Variants in CACNA1C observed in about 807,000 individuals in gnomAD.
CACNA1C encodes calcium voltage-gated channel subunit alpha1 C.
A neutral mutation model predicts 229.0 loss-of-function variants in CACNA1C; 30 were observed. The ratio of observed to expected loss-of-function variants is 0.13; its 90% CI spans 0.10 to 0.18. The LOEUF is 0.18. Ranked by LOEUF, CACNA1C falls within the 10% of genes least tolerant of loss-of-function variation. CACNA1C has a pLI of 1.00. For synonymous variants in CACNA1C, 1,114 were observed against 1,132.5 expected (o/e 0.98, Z 0.33); for missense variants, 1,658 against 2,845.0 (o/e 0.58, Z 9.49).
rs1430967755 is a variant in CACNA1C at position 2,106,395 on chromosome 12, A to C, written c.50-8829A>C. ...GGCGCCCACCCCGGGGAGGGTTTCC[A>C]CCTGAGCTGGGCGTCCTGAAGCCAC... On this transcript the variant is annotated intron_variant, in intron 1 of 46. Coordinates refer to ENST00000399655, the MANE Select transcript of CACNA1C (RefSeq NM_000719.7). Among the ~76,000 whole-genome samples, 5 of 60,744 alleles carry C rather than the reference A, an allele frequency of 8.2e-5. 2 individuals carry two copies. Among genetic ancestry groups the C allele is most frequent in the South Asian group, 1.2e-3 (2 of 1,604 alleles). The allele number at this position is 60,744 out of a possible 152,430, so 39.9% of individuals were successfully genotyped here.
At position 1,978,632 on chromosome 12, in the gene CACNA1C, G is replaced by T. The variant is rs1162269965; in HGVS notation, c.139+7431G>T. Among the ~76,000 whole-genome samples the T allele has an allele frequency of 3.3e-5, 5 of 152,114 alleles. No homozygotes were observed. The East Asian group carries it at 9.6e-4, about 29-fold the overall frequency. ...CTTATGTAACCAACACTGAAAACAA[G>T]ATATAAAATATTTTTATCACTCTTT... is the stretch of plus-strand genomic sequence containing the variant. On this transcript the variant is annotated intron_variant, in intron 1 of 46. Transcript: ENST00000682462.
rs536228698 is a variant in CACNA1C at position 2,566,966 on chromosome 12, A to T, written c.1669+384A>T. Among the ~76,000 whole-genome samples, 3 of 152,286 alleles carry T rather than the reference A, an allele frequency of 2.0e-5. No homozygotes were observed. Among genetic ancestry groups the T allele is most frequent in the South Asian group, 4.1e-4 (2 of 4,820 alleles). ...CCTGAGGTGGCCTTAACCAGAACAC[A>T]TGAGGATGGAATGAGCAAAAAGGCA... On this transcript the variant is annotated intron_variant, in intron 12 of 46. Transcript: ENST00000399655. The surrounding 1 kb of genome is among the most constrained non-coding windows in gnomAD (Gnocchi z 4.0).
At chr12:2,228,078 T>A (rs2063549295) in intron 3 of CACNA1C, among the ~76,000 whole-genome samples, 1 of 152,180 alleles carries the variant, frequency 6.6e-6, no homozygotes, top group Non-Finnish European at 1.5e-5. Context: ...TCTGGGCTTC[T>A]GGGACACATG....
At chr12:2,568,462 G>A (rs992246471) in intron 13 of CACNA1C, among the ~76,000 whole-genome samples, 14 of 152,120 alleles carry the variant, frequency 9.2e-5, no homozygotes, top group African/African-American at 3.4e-4. Flanking sequence ...TTCCACTTCT[G>A]GGTATATGCC....
At chr12:2,684,125 C>T (rs1205422413) in intron 43 of CACNA1C, among the ~76,000 whole-genome samples, 6 of 152,200 alleles carry the variant, frequency 3.9e-5, no homozygotes, top group Non-Finnish European at 7.3e-5. Context: ...GCACAGCATG[C>T]GGCTTCCTGG....
chr12:2,253,494 C>A (rs2076334128), intron 3 of CACNA1C, among the ~76,000 whole-genome samples: 1 of 152,204 alleles, frequency 6.6e-6, no homozygotes, highest in Non-Finnish European at 1.5e-5. Flanking sequence ...ACAGTGGAGG[C>A]CAAACATATG....
At chr12:2,535,967 A>T (rs561317786) in intron 9 of CACNA1C, among the ~76,000 whole-genome samples, 2 of 152,276 alleles carry the variant, frequency 1.3e-5, no homozygotes, top group South Asian at 4.1e-4. Flanking sequence ...AGTTAAAATG[A>T]CTCACTTCAC....
chr12:2,648,534 C>T (rs748505856), intron 31 of CACNA1C, 27 bp downstream of exon 31: 13 of 1,612,034 alleles, frequency 8.1e-6, no homozygotes, highest in East Asian at 4.5e-5. Context: ...CGACCATGCT[C>T]CCGGCTTCCG....
intron 3 of CACNA1C, among the ~76,000 whole-genome samples, chr12:2,251,000 C>G (rs11615998): frequency 0.046 from 6,937 of 152,248 alleles, 189 homozygotes; most frequent in Middle Eastern, 0.071. Flanking sequence ...TCCAGCATGA[C>G]GCAGAAGGAG....
At chr12:2,009,621 C>T (rs539407940) in intron 1 of CACNA1C, among the ~76,000 whole-genome samples, 1 of 152,182 alleles carries the variant, frequency 6.6e-6, no homozygotes, top group Non-Finnish European at 1.5e-5. Flanking sequence ...TGATGCTATG[C>T]TTTTGCCATC....
At chr12:2,371,052 T>C (rs147011115) in intron 3 of CACNA1C, among the ~76,000 whole-genome samples, 29 of 152,324 alleles carry the variant, frequency 1.9e-4, no homozygotes, top group African/African-American at 6.0e-4. Flanking sequence ...ATGTTTTACC[T>C]GGAAACAAGG....
At chr12:2,140,456 G>A (rs569424755) in intron 3 of CACNA1C, among the ~76,000 whole-genome samples, 1 of 151,500 alleles carries the variant, frequency 6.6e-6, no homozygotes, top group African/African-American at 2.4e-5. Flanking sequence ...ATGGACTAGG[G>A]ATTCTGGCAA....
At chr12:2,545,091 C>G (rs549300301) in intron 9 of CACNA1C, among the ~76,000 whole-genome samples, 1 of 152,116 alleles carries the variant, frequency 6.6e-6, no homozygotes, top group African/African-American at 2.4e-5. Context: ...CCATCCAACC[C>G]CTGAGCTGGT....
Position 2,628,375 on chromosome 12 carries a change from C to T in CACNA1C, c.3829-5922C>T, listed in dbSNP as rs367994982. Among the ~76,000 whole-genome samples the T allele has an allele frequency of 1.1e-3, 172 of 152,318 alleles. 4 individuals carry two copies. The South Asian group carries it at 0.034, about 30-fold the overall frequency. ...GCAGCCGTGACAACCTGCACCCTGT[C>T]GCCAATCCCAAACAGCGTCAGCCAG... On this transcript the variant is annotated intron_variant, in intron 29 of 46. Transcript: ENST00000399655.
chr12:2,382,280 G>A (rs887159686), intron 3 of CACNA1C, among the ~76,000 whole-genome samples: 1 of 152,066 alleles, frequency 6.6e-6, no homozygotes, highest in African/African-American at 2.4e-5. Flanking sequence ...CAAAAATATT[G>A]TTTGCTTTCA....
chr12:2,170,049 T>A (rs1269363028), intron 3 of CACNA1C, among the ~76,000 whole-genome samples: 1 of 152,216 alleles, frequency 6.6e-6, no homozygotes, highest in African/African-American at 2.4e-5. Flanking sequence ...GCTCTCTGCC[T>A]GGTTTTTTCC....
chr12:2,448,126 C>G (rs2099317712), intron 3 of CACNA1C, among the ~76,000 whole-genome samples: 1 of 152,218 alleles, frequency 6.6e-6, no homozygotes, highest in Non-Finnish European at 1.5e-5. Flanking sequence ...ACAGAGTCGG[C>G]TGGCTCTAAT....
intron 3 of CACNA1C, among the ~76,000 whole-genome samples, chr12:2,177,101 C>T (rs1458291383): frequency 6.6e-6 from 1 of 152,186 alleles, no homozygotes; most frequent in African/African-American, 2.4e-5. Context: ...GCTTGGAGAG[C>T]ACTTTTTACC....
intron 1 of CACNA1C, among the ~76,000 whole-genome samples, chr12:2,082,042 G>T (rs1202829706): frequency 2.0e-5 from 3 of 152,044 alleles, no homozygotes; most frequent in African/African-American, 7.2e-5. Flanking sequence ...GGGGGGACAG[G>T]GGGGATATTC....
Sources: gnomAD v4.1 joint callset for allele counts (sites outside exome capture counted in the v4.1 genomes callset) on GRCh38, gnomAD v4.1.1 for gene constraint, Gnocchi (gnomAD v3.1) non-coding constraint, MANE v1.5 for transcripts, NCBI Gene and HGNC (gene_info 2026-07-23, HGNC 2026-07-21) for gene names.